The following ROR1 variants were observed in gnomAD, a reference collection of about 807,000 sequenced individuals.
ROR1 encodes the protein ROR family WNT receptor 1, also known as inactive tyrosine-protein kinase transmembrane receptor ROR1.
ROR1 carries 19 observed loss-of-function variants against 78.8 expected under a neutral mutation model. The ratio of observed to expected loss-of-function variants is 0.24; its 90% CI spans 0.17 to 0.35. The LOEUF (loss-of-function observed/expected upper bound fraction) is 0.35. Ranked by LOEUF, ROR1 falls within the 10% of genes least tolerant of loss-of-function variation. The pLI is 1.00. For synonymous variants in ROR1, 386 were observed against 433.6 expected (o/e 0.89, Z 1.36); for missense variants, 917 against 1,177.8 (o/e 0.78, Z 3.24).
intron 6 of ROR1, among the ~76,000 whole-genome samples, chr1:64,141,478 C>A: frequency 6.6e-6 from 1 of 152,120 alleles, no homozygotes; most frequent in East Asian, 1.9e-4. Context: ...TTCCGTGATC[C>A]AGTCACCTCC....
chr1:64,089,537 G>A (rs996558530), intron 4 of ROR1, among the ~76,000 whole-genome samples: 3 of 152,124 alleles, frequency 2.0e-5, no homozygotes, highest in East Asian at 1.9e-4. Flanking sequence ...AGAACTGTTC[G>A]TGTAAATAAG....
chr1:63,825,314 G>A (rs1363672142), intron 1 of ROR1, among the ~76,000 whole-genome samples: 1 of 152,118 alleles, frequency 6.6e-6, no homozygotes, highest in East Asian at 1.9e-4. Context: ...ACAAAATGTG[G>A]TATATCTATA....
At position 64,140,241 on chromosome 1, in the gene ROR1, G is replaced by C; in HGVS notation, c.743G>C (p.Cys248Ser). The change falls in exon 6 of 9, where the codon TGT becomes TCT. Residue 248 changes from cysteine to serine, a missense_variant. Cys to Ser is a moderately radical substitution (Grantham distance 112). Coordinates refer to ENST00000371079, the MANE Select transcript of ROR1 (RefSeq NM_005012.4). ...TSSVPKPRDLCRDECEILENV... is the reference protein window; with the variant it reads ...TSSVPKPRDLSRDECEILENV... ...TCCGTCCCAAAGCCCCGTGACTTGT[G>C]TCGCGATGAATGTGAAATCCTGGAG... The C allele has an allele frequency of 6.2e-7, 1 of 1,614,080 alleles. No individual in the cohort carries two copies. Among genetic ancestry groups the C allele is most frequent in the Non-Finnish European group, 8.5e-7 (1 of 1,180,020 alleles).
At chr1:64,069,968 A>C (rs1646990426) in intron 4 of ROR1, among the ~76,000 whole-genome samples, 1 of 152,074 alleles carries the variant, frequency 6.6e-6, no homozygotes, top group South Asian at 2.1e-4. Context: ...TACTCCAAAA[A>C]TTCCTCCTGT....
chr1:63,838,084 C>T (rs556572156), intron 1 of ROR1, among the ~76,000 whole-genome samples: 1 of 152,084 alleles, frequency 6.6e-6, no homozygotes. Context: ...TCCTGTAAAA[C>T]TATGGCACCT....
intron 2 of ROR1, among the ~76,000 whole-genome samples, chr1:64,021,558 C>G (rs1646565487): frequency 6.6e-6 from 1 of 152,308 alleles, no homozygotes; most frequent in African/African-American, 2.4e-5. Context: ...GTTCATTTCA[C>G]AGGCAGGAAA....
intron 1 of ROR1, among the ~76,000 whole-genome samples, chr1:63,943,713 T>C (rs1645859916): frequency 6.6e-6 from 1 of 152,248 alleles, no homozygotes; most frequent in South Asian, 2.1e-4. Flanking sequence ...CATTTGATTA[T>C]AGGTAGAGGC....
chr1:63,892,484 A>C (rs575576959), intron 1 of ROR1, among the ~76,000 whole-genome samples: 32 of 152,304 alleles, frequency 2.1e-4, no homozygotes, highest in Middle Eastern at 3.4e-3. Flanking sequence ...ACAGTTTCAC[A>C]TCCATGTAGT....
chr1:64,051,457 A>AAAAAAAAAAAATAAAAT (rs1359777733), intron 4 of ROR1, among the ~76,000 whole-genome samples: 2 of 76,650 alleles, frequency 2.6e-5, no homozygotes, highest in African/African-American at 6.1e-5. Context: ...CTCAAAAATA[A>AAAAAAAAAAAATAAAAT]AAAATAAAAT....
chr1:64,150,796 C>T (rs887445137), intron 7 of ROR1, among the ~76,000 whole-genome samples: 5 of 152,228 alleles, frequency 3.3e-5, no homozygotes, highest in African/African-American at 9.6e-5. Flanking sequence ...AAACTTATAG[C>T]TAAGTCATGT....
intron 1 of ROR1, among the ~76,000 whole-genome samples, chr1:63,934,065 G>T (rs1434004723): frequency 1.3e-5 from 2 of 152,176 alleles, no homozygotes; most frequent in Non-Finnish European, 2.9e-5. Flanking sequence ...TGGGTTGTTG[G>T]TGGTGGTGAG....
intron 2 of ROR1, among the ~76,000 whole-genome samples, chr1:64,016,479 A>G (rs1302170415): frequency 6.6e-6 from 1 of 152,144 alleles, no homozygotes; most frequent in Non-Finnish European, 1.5e-5. Context: ...CAGACAGTTT[A>G]AAATTACACT....
chr1:63,895,065 G>A (rs1280119109), intron 1 of ROR1, among the ~76,000 whole-genome samples: 1 of 152,100 alleles, frequency 6.6e-6, no homozygotes, highest in Non-Finnish European at 1.5e-5. Context: ...AGAAAGTTAT[G>A]GCATGCTTGT....
At chr1:64,098,109 A>C (rs935130034) in intron 4 of ROR1, among the ~76,000 whole-genome samples, 19 of 152,154 alleles carry the variant, frequency 1.2e-4, no homozygotes, top group African/African-American at 4.6e-4. Context: ...GCCCTTTCAA[A>C]TTCGTTCCAG....
rs578201989 is a variant in ROR1, at chr1:64,128,850, CAGG to C, written c.483-8516_483-8514del. 4.4e-4 allele frequency among the ~76,000 whole-genome samples: 67 copies of C among 152,024 alleles called. 2 individuals are homozygous for C. Among genetic ancestry groups the C allele is most frequent in the South Asian group, 4.4e-3 (21 of 4,814 alleles). On this transcript the variant is annotated intron_variant, in intron 4 of 8. Coordinates refer to ENST00000371079, the MANE Select transcript of ROR1 (RefSeq NM_005012.4). ...ATGAGGTCAGAGAGGCAAGGTGAGG[CAGG>C]AGAAGATGATGTAAGGATATTGTAA...
At chr1:63,851,123 G>A (rs12061140) in intron 1 of ROR1, among the ~76,000 whole-genome samples, 32,152 of 152,006 alleles carry the variant, frequency 0.21, 3,589 homozygotes, top group Middle Eastern at 0.26. Context: ...GGGACTATAG[G>A]CGTGTGCCAC....
Position 64,027,048 on chromosome 1 carries a change from C to G in ROR1, c.163+17672C>G, listed in dbSNP as rs371142583. ...ATGTGTCCTCATTAGTTCCAGTGTT[C>G]CTTTGAACTTTGGATAAAATGACAA... On this transcript the variant is annotated intron_variant, in intron 2 of 8. Coordinates refer to ENST00000371079, the MANE Select transcript of ROR1 (RefSeq NM_005012.4). 1.9e-4 allele frequency among the ~76,000 whole-genome samples: 29 copies of G among 152,288 alleles called. 2 individuals carry two copies. Among genetic ancestry groups the G allele is most frequent in the Admixed American group, 1.0e-3 (16 of 15,302 alleles).
At chr1:63,843,569 A>C in intron 1 of ROR1, 1 of 725,674 alleles carries the variant, frequency 1.4e-6, no homozygotes, top group South Asian at 1.3e-5. Flanking sequence ...TGTCCTCACT[A>C]AGGCAGAAGA....
At chr1:64,075,839 T>C (rs1305257007) in intron 4 of ROR1, among the ~76,000 whole-genome samples, 1 of 152,224 alleles carries the variant, frequency 6.6e-6, no homozygotes, top group East Asian at 1.9e-4. Context: ...GTTCAAATTA[T>C]GGTTCTGCCC....
Sources: allele counts gnomAD v4.1 joint callset (sites outside exome capture counted in the v4.1 genomes callset), GRCh38; gene constraint gnomAD v4.1.1; transcripts MANE v1.5; gene names NCBI Gene and HGNC (gene_info 2026-07-23, HGNC 2026-07-21).